Variants in CCDC3 observed in about 807,000 individuals in gnomAD.
CCDC3 encodes coiled-coil domain-containing protein 3.
In CCDC3, 24 loss-of-function variants were observed where a neutral mutation model predicts 21.4. The ratio of observed to expected loss-of-function variants is 1.12; its 90% CI spans 0.81 to 1.58. The LOEUF (loss-of-function observed/expected upper bound fraction) is 1.58, where lower values mean the gene tolerates loss of function less well. Among genes scored for constraint, CCDC3 ranks in the 40% most tolerant of loss-of-function variants. The pLI, the probability that CCDC3 is intolerant of heterozygous loss-of-function variation, is 0.00. For missense variants in CCDC3, 425 were observed against 360.9 expected, an observed-to-expected ratio of 1.18 and a Z score of -1.44; for synonymous variants, 186 against 166.0, an observed-to-expected ratio of 1.12 and a Z score of -0.93.
At chr10:13,037,465 C>T (rs1836391421) in intron 5 of CCDC3, among the ~76,000 whole-genome samples, 1 of 152,096 alleles carries the variant, frequency 6.6e-6, no homozygotes, top group African/African-American at 2.4e-5. Context: ...TTATGGGAAA[C>T]ATTGTAGAAG....
chr10:13,074,308 C>A (rs1240741533), intron 3 of CCDC3, among the ~76,000 whole-genome samples: 4 of 143,768 alleles, frequency 2.8e-5, no homozygotes, highest in African/African-American at 1.0e-4. Flanking sequence ...CAGGCATGCA[C>A]CACCATATCC....
intron 2 of CCDC3, among the ~76,000 whole-genome samples, chr10:12,955,559 T>C (rs927190775): frequency 2.6e-5 from 4 of 152,098 alleles, no homozygotes; most frequent in African/African-American, 7.2e-5. Flanking sequence ...CTTCATATTT[T>C]TTTTTCTTTG....
At chr10:13,083,921 A>T (rs1189001707) in intron 3 of CCDC3, among the ~76,000 whole-genome samples, 1 of 152,216 alleles carries the variant, frequency 6.6e-6, no homozygotes, top group African/African-American at 2.4e-5. Context: ...AAAGTAAAAT[A>T]ACCTTGCTGA....
intron 5 of CCDC3, among the ~76,000 whole-genome samples, chr10:13,029,175 C>T (rs956144505): frequency 6.6e-6 from 1 of 152,154 alleles, no homozygotes; most frequent in Non-Finnish European, 1.5e-5. Context: ...CCCAAATCCC[C>T]AGTCATAAGG....
chr10:12,974,759 T>C (rs1835390943), intron 2 of CCDC3, among the ~76,000 whole-genome samples: 3 of 152,322 alleles, frequency 2.0e-5, no homozygotes, highest in African/African-American at 7.2e-5. Context: ...GCACATCCAC[T>C]GCCAAATTCT....
At chr10:13,082,362 T>A (rs1239646188) in intron 3 of CCDC3, among the ~76,000 whole-genome samples, 1 of 152,252 alleles carries the variant, frequency 6.6e-6, no homozygotes, top group Non-Finnish European at 1.5e-5. Context: ...TATTTCTGCA[T>A]ATCAGAGACT....
intron 2 of CCDC3, among the ~76,000 whole-genome samples, chr10:12,919,867 A>G (rs560960647): frequency 1.3e-5 from 2 of 152,322 alleles, no homozygotes; most frequent in South Asian, 2.1e-4. Context: ...TTTATGTAAG[A>G]AAAGCTATGC....
At chr10:12,982,027 C>A (rs914796416) in intron 2 of CCDC3, among the ~76,000 whole-genome samples, 16 of 144,510 alleles carry the variant, frequency 1.1e-4, no homozygotes, top group Non-Finnish European at 1.8e-4. Context: ...GAGGCTGACG[C>A]AGGAGAATTG....
chr10:12,910,828 C>T (rs1834260970), intron 2 of CCDC3, among the ~76,000 whole-genome samples: 1 of 151,992 alleles, frequency 6.6e-6, no homozygotes, highest in Non-Finnish European at 1.5e-5. Context: ...CTCCTGACCT[C>T]CAATGATCCA....
intron 2 of CCDC3, among the ~76,000 whole-genome samples, chr10:12,913,356 T>C (rs1278205636): frequency 1.3e-5 from 2 of 152,260 alleles, no homozygotes; most frequent in African/African-American, 4.8e-5. Flanking sequence ...GTAAATAGGA[T>C]TGTTTTATTG....
At chr10:13,073,651 C>T (rs758029855) in intron 4 of CCDC3, among the ~76,000 whole-genome samples, 4 of 152,038 alleles carry the variant, frequency 2.6e-5, no homozygotes, top group African/African-American at 7.2e-5. Flanking sequence ...CCTGCCACCA[C>T]GTTCGGCTAA....
chr10:13,020,798 A>G (rs1836135510), intron 5 of CCDC3, among the ~76,000 whole-genome samples: 1 of 152,242 alleles, frequency 6.6e-6, no homozygotes, highest in Non-Finnish European at 1.5e-5. Context: ...AACTTTACCA[A>G]GAATAGCCAA....
intron 2 of CCDC3, among the ~76,000 whole-genome samples, chr10:12,983,849 G>A (rs1040343562): frequency 6.6e-6 from 1 of 152,132 alleles, no homozygotes; most frequent in Non-Finnish European, 1.5e-5. Context: ...GGAGGCTGAG[G>A]TGGGCAGATC....
chr10:12,924,476 C>T (rs574664877), intron 2 of CCDC3, among the ~76,000 whole-genome samples: 56 of 152,338 alleles, frequency 3.7e-4, no homozygotes, highest in Admixed American at 1.2e-3. Context: ...CAATATGTCA[C>T]GTTTCACTCA....
chr10:13,040,687 T>TCTCACACA (rs1554763771), intron 5 of CCDC3, among the ~76,000 whole-genome samples: 3,565 of 142,816 alleles, frequency 0.025, 72 homozygotes, highest in East Asian at 0.078. Context: ...CAAAACTCTG[T>TCTCACACA]CACACACACA....
At chr10:13,095,519 C>T (rs1342077832) in intron 3 of CCDC3, among the ~76,000 whole-genome samples, 2 of 152,172 alleles carry the variant, frequency 1.3e-5, no homozygotes, top group Admixed American at 6.5e-5. Context: ...ACCTAGATCC[C>T]TTGCATGTTC....
intron 5 of CCDC3, among the ~76,000 whole-genome samples, chr10:13,048,652 A>T (rs1836563749): frequency 6.6e-6 from 1 of 152,190 alleles, no homozygotes; most frequent in South Asian, 2.1e-4. Flanking sequence ...CACCCACTGC[A>T]GACAGGAACT....
chr10:12,944,181 A>G lies in CCDC3; in HGVS notation c.550-45502T>C, dbSNP rs942210677. Among the ~76,000 whole-genome samples the G allele has an allele frequency of 6.6e-5, 10 of 152,242 alleles. No individual in the cohort carries two copies. In the East Asian group the frequency reaches 1.9e-3, roughly 29 times the overall value. On this transcript the variant is annotated intron_variant, in intron 2 of 2. Coordinates refer to ENST00000378825, the MANE Select transcript of CCDC3 (RefSeq NM_031455.4). ...GACATATTCCAAAATGGCCCTACAAAGCTCTCTCTCATGGGGGAAACTTGT... is the reference window on the plus strand; with the variant it reads ...GACATATTCCAAAATGGCCCTACAAGGCTCTCTCTCATGGGGGAAACTTGT...
At chr10:13,099,763 C>A (rs958739210), upstream of CCDC3, 2 of 152,140 alleles carry the variant, frequency 1.3e-5, no homozygotes, top group African/African-American at 4.8e-5. Context: ...GCCTGGCATT[C>A]TCCTCTTTCT....
Sources: gnomAD v4.1 joint callset for allele counts (sites outside exome capture counted in the v4.1 genomes callset) on GRCh38, gnomAD v4.1.1 for gene constraint, MANE v1.5 for transcripts, NCBI Gene and HGNC (gene_info 2026-07-23, HGNC 2026-07-21) for gene names.